UBE2W: variants seen among roughly 807,000 people sequenced by gnomAD.
UBE2W encodes ubiquitin conjugating enzyme E2 W, also known as ubiquitin-conjugating enzyme E2 W.
A neutral mutation model predicts 27.2 loss-of-function variants in UBE2W; 18 were observed. The observed-to-expected ratio is 0.66, with a 90% CI of 0.46 to 0.98. The LOEUF (loss-of-function observed/expected upper bound fraction) is 0.98, where lower values mean the gene tolerates loss of function less well. Ranked by LOEUF, UBE2W falls within the 50% of genes least tolerant of loss-of-function variation. The pLI is 0.00. For missense variants in UBE2W, 90 were observed against 180.2 expected, an observed-to-expected ratio of 0.50 and a Z score of 2.87; for synonymous variants, 53 against 57.2, an observed-to-expected ratio of 0.93 and a Z score of 0.33.
intron 5 of UBE2W, among the ~76,000 whole-genome samples, chr8:73,799,417 G>GCC (rs1475360001): frequency 6.6e-6 from 1 of 152,160 alleles, no homozygotes; most frequent in East Asian, 1.9e-4. Context: ...GAGCTATGGA[G>GCC]CCCTTGTGTC....
In UBE2W at chr8:73,790,328, T is replaced by C. The variant is rs1808139227; in HGVS notation, c.*3774A>G. The C allele has an allele frequency of 4.1e-6, 4 of 985,296 alleles. No individual in the cohort carries two copies. The highest frequency in any genetic ancestry group is 3.6e-6 in the Non-Finnish European group (3 of 829,912). The allele number at this position is 985,296 out of a possible 1,614,324, so 61.0% of individuals were successfully genotyped here. On this transcript the variant is annotated 3_prime_UTR_variant, in exon 6 of 6. Transcript: ENST00000602593. ...AATTTAAAAAGGACTACAAAGAGGATTGGGGCCAGTTGGTGCAGATTAAAA... is the reference window on the plus strand; with the variant it reads ...AATTTAAAAAGGACTACAAAGAGGACTGGGGCCAGTTGGTGCAGATTAAAA...
rs1807981982 is a variant in UBE2W, at chr8:73,786,947, G to A, written c.*7155C>T. 4.1e-6 allele frequency: 4 copies of A among 985,380 alleles called. No individual in the cohort carries two copies. The South Asian group carries it at 1.4e-4, about 35-fold the overall frequency. 61.0% of individuals were successfully genotyped at this position (985,380 alleles called of 1,614,324 possible). On this transcript the variant is annotated 3_prime_UTR_variant, in exon 6 of 6. Transcript: ENST00000602593. ...TTAATGTTGAATTGGCTATCTGCAG[G>A]ATACAGCCATCTATATTAGGATCTT...
At chr8:73,832,886 C>G (rs190503283) in intron 1 of UBE2W, among the ~76,000 whole-genome samples, 3 of 152,262 alleles carry the variant, frequency 2.0e-5, no homozygotes, top group African/African-American at 7.2e-5. Flanking sequence ...TTGCTGCTTT[C>G]TAATTATAAA....
chr8:73,863,345 G>A (rs1222151188), intron 1 of UBE2W, among the ~76,000 whole-genome samples: 8 of 140,958 alleles, frequency 5.7e-5, no homozygotes, highest in African/African-American at 8.1e-5. Context: ...ACCAAACACC[G>A]CATATTCTCA....
intron 1 of UBE2W, among the ~76,000 whole-genome samples, chr8:73,846,946 G>T (rs564685482): frequency 2.0e-5 from 3 of 152,198 alleles, no homozygotes; most frequent in Non-Finnish European, 4.4e-5. Flanking sequence ...GCCGAGGCGG[G>T]TGGATCACGA....
chr8:73,789,168 C>T lies in UBE2W; in HGVS notation c.*4934G>A. On this transcript the variant is annotated 3_prime_UTR_variant, in exon 6 of 6. Transcript: ENST00000602593. ...CTCTAATGATAATGATGTACATAAA[C>T]CTGTCTTAAATCGGCAAACAGACGA... 1.0e-6 allele frequency: 1 copy of T among 984,884 alleles called. No individual in the cohort carries two copies. The highest frequency in any genetic ancestry group is 1.2e-6 in the Non-Finnish European group (1 of 829,842). 61.0% of individuals were successfully genotyped at this position (984,884 alleles called of 1,614,324 possible).
intron 1 of UBE2W, among the ~76,000 whole-genome samples, chr8:73,866,288 A>T (rs867094990): frequency 0.031 from 2,415 of 78,590 alleles, 37 homozygotes; most frequent in African/African-American, 0.096. Flanking sequence ...AAAAAAAAAA[A>T]AAATATATAT....
chr8:73,866,304 T>A (rs1319851731), intron 1 of UBE2W, among the ~76,000 whole-genome samples: 29 of 131,834 alleles, frequency 2.2e-4, no homozygotes, highest in African/African-American at 7.9e-4. Flanking sequence ...TATATATATA[T>A]ATATATATAT....
chr8:73,780,736 C>A (rs1248162140), intron 4 of UBE2W, among the ~76,000 whole-genome samples: 2 of 151,836 alleles, frequency 1.3e-5, no homozygotes, highest in Non-Finnish European at 2.9e-5. Flanking sequence ...GTTGCCCAGG[C>A]TGGTCTCGAA....
chr8:73,838,425 C>A (rs921225262), intron 1 of UBE2W, among the ~76,000 whole-genome samples: 1 of 152,118 alleles, frequency 6.6e-6, no homozygotes, highest in African/African-American at 2.4e-5. Flanking sequence ...CAACAGCCTG[C>A]GATATGCGAC....
intron 1 of UBE2W, among the ~76,000 whole-genome samples, chr8:73,852,589 A>T (rs1377199375): frequency 6.6e-6 from 1 of 152,172 alleles, no homozygotes; most frequent in South Asian, 2.1e-4. Context: ...TGGAAGAATA[A>T]ATTTTTTTTC....
At chr8:73,847,794 C>T (rs937515885) in intron 1 of UBE2W, among the ~76,000 whole-genome samples, 22 of 151,674 alleles carry the variant, frequency 1.5e-4, no homozygotes, top group African/African-American at 4.1e-4. Flanking sequence ...CCCAGCTACT[C>T]GGGAGGCTGA....
At chr8:73,824,915 T>C (rs1290906165) in intron 3 of UBE2W, among the ~76,000 whole-genome samples, 1 of 152,204 alleles carries the variant, frequency 6.6e-6, no homozygotes, top group East Asian at 1.9e-4. Flanking sequence ...CCCTTTTCTG[T>C]TAGCATTTAT....
At chr8:73,797,294 A>G (rs1460358837) in intron 5 of UBE2W, among the ~76,000 whole-genome samples, 1 of 152,072 alleles carries the variant, frequency 6.6e-6, no homozygotes, top group Non-Finnish European at 1.5e-5. Flanking sequence ...AGAAGACTAG[A>G]AAAAAAAGGA....
At chr8:73,856,967 A>G (rs1287536385) in intron 1 of UBE2W, among the ~76,000 whole-genome samples, 2 of 152,178 alleles carry the variant, frequency 1.3e-5, no homozygotes, top group African/African-American at 4.8e-5. Flanking sequence ...TTGGCCTCCC[A>G]AAGTGCTGAG....
chr8:73,863,397 G>C (rs1811608651), intron 1 of UBE2W, among the ~76,000 whole-genome samples: 1 of 146,294 alleles, frequency 6.8e-6, no homozygotes, highest in African/African-American at 2.6e-5. Context: ...ATGGACACAG[G>C]AAGGGGAGTA....
At chr8:73,798,010 C>T (rs1013351504) in intron 5 of UBE2W, among the ~76,000 whole-genome samples, 6 of 152,142 alleles carry the variant, frequency 3.9e-5, no homozygotes, top group African/African-American at 1.4e-4. Context: ...TGTATAGGTC[C>T]AGTGTGGTGG....
chr8:73,813,679 C>A (rs1244156004), intron 3 of UBE2W, among the ~76,000 whole-genome samples: 2 of 151,030 alleles, frequency 1.3e-5, no homozygotes, highest in African/African-American at 4.9e-5. Context: ...AGGTGAATTT[C>A]TGAAATAAAA....
At chr8:73,878,664 G>A in intron 1 of UBE2W, 144 bp downstream of exon 1, 3 of 699,682 alleles carry the variant, frequency 4.3e-6, no homozygotes, top group Non-Finnish European at 5.0e-6. Flanking sequence ...CTCCCCCGAC[G>A]CCCTGAGCTG....
Sources: gnomAD v4.1 joint callset for allele counts (sites outside exome capture counted in the v4.1 genomes callset) on GRCh38, gnomAD v4.1.1 for gene constraint, MANE v1.5 for transcripts, NCBI Gene and HGNC (gene_info 2026-07-23, HGNC 2026-07-21) for gene names.